Variants in MAP4K3 observed in about 807,000 individuals in gnomAD.
MAP4K3 encodes mitogen-activated protein kinase kinase kinase kinase 3.
A neutral mutation model predicts 143.5 loss-of-function variants in MAP4K3; 94 were observed. That is an observed-to-expected ratio of 0.65 (90% CI 0.55 to 0.78). The LOEUF is 0.78. Ranked by LOEUF, MAP4K3 falls within the 30% of genes least tolerant of loss-of-function variation. The pLI is 0.00. For synonymous variants in MAP4K3, 416 were observed against 347.2 expected (o/e 1.20, Z -2.20); for missense variants, 1,077 against 1,068.1 (o/e 1.01, Z -0.12).
intron 1 of MAP4K3, among the ~76,000 whole-genome samples, chr2:39,418,162 C>T (rs917676461): frequency 6.7e-6 from 1 of 149,208 alleles, no homozygotes; most frequent in Non-Finnish European, 1.5e-5. Flanking sequence ...AGAGACTGCA[C>T]CACTGCACTC....
intron 1 of MAP4K3, among the ~76,000 whole-genome samples, chr2:39,410,229 C>A (rs1667199531): frequency 6.6e-6 from 1 of 152,150 alleles, no homozygotes. Flanking sequence ...CAGGCCACTG[C>A]ATCATCTACA....
intron 1 of MAP4K3, among the ~76,000 whole-genome samples, chr2:39,414,527 C>G (rs1390945409): frequency 6.6e-6 from 1 of 152,128 alleles, no homozygotes; most frequent in African/African-American, 2.4e-5. Context: ...CACCTGCTTG[C>G]AGATCTCTTT....
rs1458832313 is a variant in MAP4K3 at position 39,249,963 on chromosome 2, G to A, written c.*655C>T. 1.3e-5 allele frequency: 2 copies of A among 152,204 alleles called. No homozygotes were observed. Among genetic ancestry groups the A allele is most frequent in the East Asian group, 3.8e-4 (2 of 5,200 alleles). 9.4% of individuals were successfully genotyped at this position (152,204 alleles called of 1,614,324 possible). The stretch of plus-strand genomic sequence containing the variant: ...AGAAAACAATCCAAATACATTTGTG[G>A]AGCCAAATGCTTATAGACAATGTCA... On this transcript the variant is annotated 3_prime_UTR_variant, in exon 34 of 34. Coordinates refer to ENST00000263881, the MANE Select transcript of MAP4K3 (RefSeq NM_003618.4).
intron 8 of MAP4K3, 45 bp downstream of exon 8, chr2:39,331,872 A>G (rs767641801): frequency 6.8e-5 from 86 of 1,258,898 alleles, no homozygotes; most frequent in Non-Finnish European, 9.4e-5. Flanking sequence ...GCTATATCCA[A>G]TAATGATAGA....
At chr2:39,295,880 G>A (rs184698486) in intron 16 of MAP4K3, among the ~76,000 whole-genome samples, 96 of 151,914 alleles carry the variant, frequency 6.3e-4, no homozygotes, top group African/African-American at 2.9e-4. Context: ...CACCATGCCC[G>A]GCTAATTTTT....
chr2:39,288,351 C>G, intron 19 of MAP4K3, 71 bp from the exon 20 acceptor site: 2 of 1,372,228 alleles, frequency 1.5e-6, no homozygotes, highest in South Asian at 2.5e-5. Flanking sequence ...TACTATTATA[C>G]ATTAAAAGCT....
In MAP4K3 at chr2:39,413,721, C is replaced by T. The variant is rs184139905; in HGVS notation, c.96+23171G>A. Among the ~76,000 whole-genome samples, 30 of 151,268 alleles carry T rather than the reference C, an allele frequency of 2.0e-4. No homozygotes were observed. In the East Asian group the frequency reaches 4.5e-3, roughly 23 times the overall value. On this transcript the variant is annotated intron_variant, in intron 1 of 33. Coordinates refer to ENST00000263881, the MANE Select transcript of MAP4K3 (RefSeq NM_003618.4). ...CCCTGTATCACCAGACAGGGGAGTCCGTTAACAACTGTCTTCTCAGAACTA... is the reference window on the plus strand; with the variant it reads ...CCCTGTATCACCAGACAGGGGAGTCTGTTAACAACTGTCTTCTCAGAACTA...
chr2:39,384,632 T>A (rs931385218), intron 1 of MAP4K3, among the ~76,000 whole-genome samples: 2 of 152,238 alleles, frequency 1.3e-5, no homozygotes, highest in East Asian at 3.8e-4. Context: ...GTATCTGCAA[T>A]ATCCAATACA....
intron 13 of MAP4K3, among the ~76,000 whole-genome samples, chr2:39,311,847 G>A (rs1448054776): frequency 6.6e-6 from 1 of 152,160 alleles, no homozygotes; most frequent in Non-Finnish European, 1.5e-5. Context: ...GACAATAAAT[G>A]TTTATTGTTT....
chr2:39,355,359 CA>C (rs34355105), intron 3 of MAP4K3, among the ~76,000 whole-genome samples: 1,095 of 34,530 alleles, frequency 0.032, 11 homozygotes, highest in African/African-American at 0.12. Context: ...GACTCCACCT[CA>C]AAAAAAAAAA....
At position 39,280,983 on chromosome 2, in the gene MAP4K3, A is replaced by G. The variant is rs3755174; in HGVS notation, c.1630-627T>C. Among the ~76,000 whole-genome samples the G allele has an allele frequency of 7.2e-5, 11 of 152,324 alleles. No individual in the cohort carries two copies. The East Asian group carries it at 1.7e-3, about 24-fold the overall frequency. On this transcript the variant is annotated intron_variant, in intron 22 of 33. Transcript: ENST00000263881. ...TTTACAAACTTTTCAGATAATAAAT[A>G]TATCATAATGAAATATATCACCCAT... is the stretch of plus-strand genomic sequence containing the variant.
At chr2:39,374,145 G>T (rs112098812) in intron 2 of MAP4K3, among the ~76,000 whole-genome samples, 10,321 of 152,168 alleles carry the variant, frequency 0.068, 1,187 homozygotes, top group African/African-American at 0.24. Context: ...ACTTTGGGAG[G>T]CCCAGGCAGG....
chr2:39,318,619 TG>T (rs1394527102), intron 12 of MAP4K3, among the ~76,000 whole-genome samples: 1 of 152,132 alleles, frequency 6.6e-6, no homozygotes, highest in Non-Finnish European at 1.5e-5. Flanking sequence ...TTCTAATAAA[TG>T]GCATTTAAAG....
chr2:39,252,481 A>C (rs1680188663), intron 32 of MAP4K3, among the ~76,000 whole-genome samples: 1 of 152,256 alleles, frequency 6.6e-6, no homozygotes, highest in South Asian at 2.1e-4. Flanking sequence ...CTCAATACAT[A>C]ATAATTATCT....
intron 2 of MAP4K3, among the ~76,000 whole-genome samples, chr2:39,357,408 A>G (rs779744212): frequency 4.6e-4 from 70 of 152,354 alleles, no homozygotes; most frequent in Middle Eastern, 3.4e-3. Context: ...TGCTCAAATC[A>G]TAAGTATAAG....
chr2:39,295,525 C>T (rs1280483945), intron 16 of MAP4K3, among the ~76,000 whole-genome samples: 3 of 151,916 alleles, frequency 2.0e-5, no homozygotes, highest in African/African-American at 7.3e-5. Flanking sequence ...CCAAATTAAA[C>T]ATAATGTATC....
chr2:39,263,438 A>T (rs370063184), intron 28 of MAP4K3, among the ~76,000 whole-genome samples: 2 of 137,426 alleles, frequency 1.5e-5, no homozygotes, highest in Non-Finnish European at 3.1e-5. Flanking sequence ...ACGCCCGGCT[A>T]TTTTTTTTTT....
At chr2:39,342,991 G>C (rs1177805937) in intron 4 of MAP4K3, among the ~76,000 whole-genome samples, 1 of 152,076 alleles carries the variant, frequency 6.6e-6, no homozygotes, top group Non-Finnish European at 1.5e-5. Flanking sequence ...CAGTATCTAA[G>C]AGAATAAACA....
At chr2:39,323,810 C>T (rs1296365036) in intron 12 of MAP4K3, 3 of 151,822 alleles carry the variant, frequency 2.0e-5, no homozygotes, top group Non-Finnish European at 2.9e-5. Context: ...AAATGAAACA[C>T]ATTAACTCTC....
Sources: allele counts gnomAD v4.1 joint callset (sites outside exome capture counted in the v4.1 genomes callset), GRCh38; gene constraint gnomAD v4.1.1; transcripts MANE v1.5; gene names NCBI Gene and HGNC (gene_info 2026-07-23, HGNC 2026-07-21).